Variants in ADK observed in about 807,000 individuals in gnomAD.
ADK encodes the protein N6,N6-dimethyladenosine kinase.
ADK carries 24 observed loss-of-function variants against 44.7 expected under a neutral mutation model. The observed-to-expected ratio is 0.54, with a 90% CI of 0.39 to 0.76. The LOEUF is 0.76. Among genes scored for constraint, ADK ranks in the 30% least tolerant of loss-of-function variants. The pLI is 0.00. For synonymous variants in ADK, 128 were observed against 142.6 expected (o/e 0.90, Z 0.73); for missense variants, 321 against 425.1 (o/e 0.76, Z 2.15).
intron 3 of ADK, among the ~76,000 whole-genome samples, chr10:74,259,456 C>CTTTT (rs66533506): frequency 1.1e-4 from 12 of 106,222 alleles, no homozygotes; most frequent in African/African-American, 4.3e-4. Flanking sequence ...TTTTCTTTTC[C>CTTTT]TTTTTTTTTT....
intron 4 of ADK, 53 bp downstream of exon 4, chr10:74,314,798 G>T: frequency 7.6e-7 from 1 of 1,307,898 alleles, no homozygotes; most frequent in South Asian, 1.2e-5. Context: ...CTAGACCCAT[G>T]TCTATTTTGC....
chr10:74,517,673 G>C (rs1397728724), intron 6 of ADK, among the ~76,000 whole-genome samples: 3 of 150,728 alleles, frequency 2.0e-5, no homozygotes, highest in Non-Finnish European at 3.0e-5. Context: ...TAGGCAACTG[G>C]GCGAGTCTCT....
chr10:74,400,845 C>G (rs1318118499), intron 6 of ADK, among the ~76,000 whole-genome samples: 2 of 152,236 alleles, frequency 1.3e-5, no homozygotes, highest in African/African-American at 4.8e-5. Flanking sequence ...CTTCTTCACA[C>G]TATTCTCCAA....
intron 4 of ADK, among the ~76,000 whole-genome samples, chr10:74,383,956 T>A (rs1843058330): frequency 6.6e-6 from 1 of 152,180 alleles, no homozygotes; most frequent in Non-Finnish European, 1.5e-5. Flanking sequence ...AGTGCCATAT[T>A]TTGGGGGTAG....
intron 4 of ADK, among the ~76,000 whole-genome samples, chr10:74,365,192 T>G (rs1308309992): frequency 1.2e-5 from 1 of 84,504 alleles, no homozygotes; most frequent in Non-Finnish European, 3.4e-5. Flanking sequence ...TTCACAATGC[T>G]GCACAACCAC....
chr10:74,494,637 T>C (rs1847614509), intron 6 of ADK, among the ~76,000 whole-genome samples: 1 of 152,124 alleles, frequency 6.6e-6, no homozygotes. Context: ...CTCTGAAAGC[T>C]TTGTTTTTCT....
At position 74,392,328 on chromosome 10, in the gene ADK, G is replaced by A. The variant is rs1219396385; in HGVS notation, c.274-1813G>A. ...TCTCCACATTTTGCCAGCATTTTTT[G>A]TTTTCTGTGTTTTCGGTAGTAACCA... On this transcript the variant is annotated intron_variant, in intron 4 of 10. Transcript: ENST00000539909. Among the ~76,000 whole-genome samples, 7 of 152,162 alleles carry A rather than the reference G, an allele frequency of 4.6e-5. No homozygotes were observed. In the East Asian group the frequency reaches 1.4e-3, roughly 29 times the overall value.
intron 3 of ADK, among the ~76,000 whole-genome samples, chr10:74,302,152 G>C (rs1197519332): frequency 1.3e-5 from 1 of 77,810 alleles, no homozygotes; most frequent in African/African-American, 5.2e-5. Context: ...TTTTTGAGAT[G>C]GAGTCTTGCT....
At chr10:74,151,769 CAG>C (rs928628798) in intron 1 of ADK, among the ~76,000 whole-genome samples, 1 of 152,232 alleles carries the variant, frequency 6.6e-6, no homozygotes, top group Admixed American at 6.5e-5. Flanking sequence ...GGGGATTTTT[CAG>C]AGTGTTGCGG....
intron 7 of ADK, among the ~76,000 whole-genome samples, chr10:74,532,241 C>A (rs1318967625): frequency 6.6e-6 from 1 of 151,564 alleles, no homozygotes; most frequent in Non-Finnish European, 1.5e-5. Flanking sequence ...CTCATGCCTG[C>A]AATCCCAATA....
At chr10:74,293,820 G>T (rs968906189) in intron 3 of ADK, among the ~76,000 whole-genome samples, 3 of 152,060 alleles carry the variant, frequency 2.0e-5, no homozygotes, top group Admixed American at 6.6e-5. Context: ...ACATAGAAAG[G>T]TATAAAAATC....
intron 10 of ADK, among the ~76,000 whole-genome samples, chr10:74,707,858 T>C (rs1856661570): frequency 6.6e-6 from 1 of 151,176 alleles, no homozygotes; most frequent in Admixed American, 6.6e-5. Context: ...GGGAAGCTCA[T>C]GATGTTTGGG....
intron 6 of ADK, among the ~76,000 whole-genome samples, chr10:74,459,748 A>C (rs1369899904): frequency 1.3e-5 from 2 of 151,026 alleles, no homozygotes; most frequent in Non-Finnish European, 2.9e-5. Context: ...AAAAAGAAAA[A>C]AAAGAAAGGA....
At chr10:74,284,530 C>T (rs148381515) in intron 3 of ADK, among the ~76,000 whole-genome samples, 133 of 152,328 alleles carry the variant, frequency 8.7e-4, no homozygotes, top group African/African-American at 3.1e-3. Context: ...TCGCCAAGTG[C>T]TGGGATTACA....
intron 6 of ADK, among the ~76,000 whole-genome samples, chr10:74,459,599 C>T (rs1005224831): frequency 1.3e-5 from 2 of 151,308 alleles, no homozygotes; most frequent in African/African-American, 4.9e-5. Flanking sequence ...CGTGGTAGCA[C>T]ACGCCTGTAG....
intron 6 of ADK, chr10:74,509,284 C>G (rs1848208178): frequency 6.6e-6 from 1 of 152,294 alleles, no homozygotes; most frequent in South Asian, 2.1e-4. Context: ...CCTCCACCCC[C>G]TGGGTTCAAG....
At chr10:74,557,691 C>G (rs887310752) in intron 7 of ADK, among the ~76,000 whole-genome samples, 4 of 152,278 alleles carry the variant, frequency 2.6e-5, no homozygotes, top group African/African-American at 9.6e-5. Flanking sequence ...GCTTAAGACC[C>G]AACCTCCCTG....
At chr10:74,690,115 C>A (rs186430774) in intron 10 of ADK, among the ~76,000 whole-genome samples, 1 of 152,358 alleles carries the variant, frequency 6.6e-6, no homozygotes, top group East Asian at 1.9e-4. Context: ...ATATTCCACA[C>A]TTCTGCCAGA....
chr10:74,665,961 C>A (rs761296040), intron 9 of ADK, among the ~76,000 whole-genome samples: 8 of 152,122 alleles, frequency 5.3e-5, no homozygotes, highest in Non-Finnish European at 5.9e-5. Flanking sequence ...ATTCTTTGAA[C>A]AAAATTTTCT....
Sources: gnomAD v4.1 joint callset for allele counts (sites outside exome capture counted in the v4.1 genomes callset) on GRCh38, gnomAD v4.1.1 for gene constraint, MANE v1.5 for transcripts, NCBI Gene and HGNC (gene_info 2026-07-23, HGNC 2026-07-21) for gene names.